PCNX1: variants seen among roughly 807,000 people sequenced by gnomAD.
PCNX1 encodes pecanex-like protein 1.
In PCNX1, 78 loss-of-function variants were observed where a neutral mutation model predicts 242.2. That is an observed-to-expected ratio of 0.32 (90% CI 0.27 to 0.39). PCNX1 has a LOEUF of 0.39. Among genes scored for constraint, PCNX1 ranks in the 10% least tolerant of loss-of-function variants. The pLI is 1.00. For missense variants in PCNX1, 2,581 were observed against 2,856.5 expected (o/e 0.90, Z 2.20); for synonymous variants, 1,024 against 1,032.9 (o/e 0.99, Z 0.17).
rs1446533362 is a variant in PCNX1, at chr14:70,943,434, G to A, written c.154-3481G>A. Among the ~76,000 whole-genome samples the A allele has an allele frequency of 2.6e-5, 4 of 152,188 alleles. No homozygotes were observed. In the East Asian group the frequency reaches 7.7e-4, roughly 29 times the overall value. ...AGGTGACTCTTGCTATGCTTTATTAGCAAAGAGACTGGCGGCATTTTGCTC... is the reference window on the plus strand; with the variant it reads ...AGGTGACTCTTGCTATGCTTTATTAACAAAGAGACTGGCGGCATTTTGCTC... On this transcript the variant is annotated intron_variant, in intron 1 of 35. Coordinates refer to ENST00000304743, the MANE Select transcript of PCNX1 (RefSeq NM_014982.3).
intron 19 of PCNX1, 30 bp from the exon 20 acceptor site, chr14:71,045,103 T>G: frequency 6.6e-7 from 1 of 1,505,526 alleles, no homozygotes; most frequent in Non-Finnish European, 8.9e-7. Flanking sequence ...AAATCACTCC[T>G]AATTTTATCA....
intron 19 of PCNX1, among the ~76,000 whole-genome samples, chr14:71,039,027 T>A (rs1248425514): frequency 6.7e-6 from 1 of 150,368 alleles, no homozygotes; most frequent in Non-Finnish European, 1.5e-5. Context: ...AACAATGAGA[T>A]CACATGGACA....
At chr14:71,086,290 G>A (rs1212378695) in intron 28 of PCNX1, among the ~76,000 whole-genome samples, 1 of 152,158 alleles carries the variant, frequency 6.6e-6, no homozygotes, top group Non-Finnish European at 1.5e-5. Context: ...TAACATCAAT[G>A]TCAGTTGTGG....
intron 16 of PCNX1, chr14:71,032,018 A>T: frequency 5.5e-6 from 5 of 916,188 alleles, no homozygotes; most frequent in Non-Finnish European, 9.0e-6. Context: ...ACACGGACAC[A>T]CACAAGGAGT....
At chr14:70,979,123 G>T (rs1384754291) in intron 6 of PCNX1, among the ~76,000 whole-genome samples, 1 of 152,066 alleles carries the variant, frequency 6.6e-6, no homozygotes, top group Non-Finnish European at 1.5e-5. Flanking sequence ...TATGTACATT[G>T]AGAATTGTGG....
At chr14:71,050,537 C>A in intron 22 of PCNX1, 115 bp from the exon 23 acceptor site, 1 of 846,538 alleles carries the variant, frequency 1.2e-6, no homozygotes, top group Non-Finnish European at 1.7e-6. Flanking sequence ...ATTTCAATGC[C>A]ATTTCCCTAT....
intron 11 of PCNX1, among the ~76,000 whole-genome samples, chr14:71,017,060 A>G (rs2059979096): frequency 6.6e-6 from 1 of 152,122 alleles, no homozygotes; most frequent in Admixed American, 6.5e-5. Context: ...ATCACTACAG[A>G]CTCTCCAGGT....
At chr14:71,016,333 G>C (rs972528082) in intron 11 of PCNX1, among the ~76,000 whole-genome samples, 2 of 152,148 alleles carry the variant, frequency 1.3e-5, no homozygotes, top group Non-Finnish European at 2.9e-5. Context: ...TTAAATAATG[G>C]ATAGGATAAT....
At chr14:70,926,424 A>AAAATTTGT (rs1250592894) in intron 1 of PCNX1, among the ~76,000 whole-genome samples, 1 of 152,218 alleles carries the variant, frequency 6.6e-6, no homozygotes, top group Non-Finnish European at 1.5e-5. Flanking sequence ...CAATATGAAC[A>AAAATTTGT]AAATTTGTAC....
At chr14:71,067,971 A>T (rs1006014952) in intron 26 of PCNX1, among the ~76,000 whole-genome samples, 1 of 152,030 alleles carries the variant, frequency 6.6e-6, no homozygotes, top group African/African-American at 2.4e-5. Flanking sequence ...GTTGTAGCAC[A>T]TGGAGAAAAA....
chr14:70,914,541 T>C (rs1263382155), intron 1 of PCNX1, among the ~76,000 whole-genome samples: 1 of 152,204 alleles, frequency 6.6e-6, no homozygotes, highest in Non-Finnish European at 1.5e-5. Context: ...TTTTCTAGCC[T>C]TTGAATACAC....
At chr14:70,942,079 C>T (rs573270456) in intron 1 of PCNX1, among the ~76,000 whole-genome samples, 3 of 152,124 alleles carry the variant, frequency 2.0e-5, no homozygotes, top group African/African-American at 4.8e-5. Context: ...TTGCACTTCC[C>T]GGGTGAGGTG....
intron 1 of PCNX1, among the ~76,000 whole-genome samples, chr14:70,914,876 G>T (rs2056086148): frequency 6.6e-6 from 1 of 152,148 alleles, no homozygotes; most frequent in South Asian, 2.1e-4. Context: ...CGTTTGCGTA[G>T]TGTAGACTTG....
chr14:71,058,361 A>G (rs1413466890), intron 26 of PCNX1, among the ~76,000 whole-genome samples: 1 of 152,294 alleles, frequency 6.6e-6, no homozygotes, highest in East Asian at 1.9e-4. Context: ...TGATAAAGTT[A>G]TTTCTTTACA....
At chr14:71,077,219 T>A (rs1307027176) in intron 28 of PCNX1, among the ~76,000 whole-genome samples, 2 of 152,182 alleles carry the variant, frequency 1.3e-5, no homozygotes, top group Admixed American at 1.3e-4. Context: ...CTAGGTCTCA[T>A]GATTTTTGTG....
intron 26 of PCNX1, among the ~76,000 whole-genome samples, chr14:71,066,981 C>G (rs2061463063): frequency 6.6e-6 from 1 of 152,036 alleles, no homozygotes; most frequent in African/African-American, 2.4e-5. Flanking sequence ...GGTGAATAAG[C>G]TTTTTGATGT....
chr14:71,041,612 A>C (rs2060707333), intron 19 of PCNX1, among the ~76,000 whole-genome samples: 1 of 151,810 alleles, frequency 6.6e-6, no homozygotes, highest in Non-Finnish European at 1.5e-5. Flanking sequence ...AAGGTATGTC[A>C]ATTTTATTTA....
intron 17 of PCNX1, 51 bp downstream of exon 17, chr14:71,033,589 G>T: frequency 9.8e-7 from 1 of 1,023,544 alleles, no homozygotes; most frequent in Admixed American, 1.9e-5. Context: ...GTAAGTTGGT[G>T]TTTTTTTCAA....
At chr14:71,068,402 G>GTATA in intron 26 of PCNX1, among the ~76,000 whole-genome samples, 1 of 148,270 alleles carries the variant, frequency 6.7e-6, no homozygotes, top group African/African-American at 2.5e-5. Flanking sequence ...TTATGTATAC[G>GTATA]TATATATATG....
Sources: gnomAD v4.1 joint callset for allele counts (sites outside exome capture counted in the v4.1 genomes callset) on GRCh38, gnomAD v4.1.1 for gene constraint, MANE v1.5 for transcripts, NCBI Gene and HGNC (gene_info 2026-07-23, HGNC 2026-07-21) for gene names.